The following ENTPD1 variants were observed in gnomAD, a reference collection of about 807,000 sequenced individuals.
The protein encoded by ENTPD1 is ectonucleoside triphosphate diphosphohydrolase 1, also known as ATP diphosphohydrolase.
In ENTPD1, 33 loss-of-function variants were observed where a neutral mutation model predicts 57.0. The ratio of observed to expected loss-of-function variants is 0.58; its 90% confidence interval spans 0.44 to 0.77. ENTPD1 has a LOEUF of 0.77. Among genes scored for constraint, ENTPD1 ranks in the 30% least tolerant of loss-of-function variants. The pLI, the probability that ENTPD1 is intolerant of heterozygous loss-of-function variation, is 0.00. For missense variants in ENTPD1, 501 were observed against 603.4 expected, an observed-to-expected ratio of 0.83 and a Z score of 1.78; for synonymous variants, 202 against 218.8, an observed-to-expected ratio of 0.92 and a Z score of 0.68.
chr10:95,782,841 T>C (rs1476380719), intron 1 of ENTPD1, among the ~76,000 whole-genome samples: 1 of 152,314 alleles, frequency 6.6e-6, no homozygotes, highest in African/African-American at 2.4e-5. Context: ...TCTGGATAAC[T>C]ACTGGTTTCA....
intron 1 of ENTPD1, 129 bp from the exon 2 acceptor site, chr10:95,823,108 T>TA (rs1213117171): frequency 8.4e-6 from 9 of 1,074,754 alleles, no homozygotes; most frequent in Non-Finnish European, 1.3e-5. Context: ...ACCTCATTGA[T>TA]AAAAAAGATT....
At chr10:95,806,071 T>C (rs1440237567) in intron 1 of ENTPD1, among the ~76,000 whole-genome samples, 3 of 152,266 alleles carry the variant, frequency 2.0e-5, no homozygotes, top group South Asian at 2.1e-4. Context: ...TCCTGGATAA[T>C]ATCCTGAAGA....
intron 1 of ENTPD1, among the ~76,000 whole-genome samples, chr10:95,769,639 T>C (rs529303087): frequency 6.6e-6 from 1 of 152,204 alleles, no homozygotes; most frequent in Non-Finnish European, 1.5e-5. Flanking sequence ...ATAGGATCAC[T>C]CTGGCTGCAT....
At chr10:95,864,427 T>C (rs2098470459) in intron 8 of ENTPD1, among the ~76,000 whole-genome samples, 1 of 152,230 alleles carries the variant, frequency 6.6e-6, no homozygotes, top group African/African-American at 2.4e-5. Context: ...ACAGAGGTAC[T>C]GAAATTTAGT....
At chr10:95,746,149 A>T (rs868221344) in intron 1 of ENTPD1, among the ~76,000 whole-genome samples, 1 of 152,186 alleles carries the variant, frequency 6.6e-6, no homozygotes, top group Non-Finnish European at 1.5e-5. Flanking sequence ...TCAGAGGGGG[A>T]AAAAGCAAGA....
intron 1 of ENTPD1, among the ~76,000 whole-genome samples, chr10:95,770,250 TGA>T (rs1299062101): frequency 2.8e-4 from 25 of 88,738 alleles, no homozygotes; most frequent in Admixed American, 2.2e-3. Context: ...AGAGAGTGAG[TGA>T]GTGAGTGTGT....
Position 95,866,587 on chromosome 10 carries a change from C to G in ENTPD1, c.*204C>G. 7.0e-7 allele frequency: 1 copy of G among 1,424,984 alleles called. No homozygotes were observed. Among genetic ancestry groups the G allele is most frequent in the Non-Finnish European group, 9.1e-7 (1 of 1,093,108 alleles). 88.3% of individuals were successfully genotyped at this position (1,424,984 alleles called of 1,614,324 possible). On this transcript the variant is annotated 3_prime_UTR_variant, in exon 10 of 10. Transcript: ENST00000371205. ...TCAAGGACTTCGGCAGATACTGTCTCTTTCATGAGTTTTTCCCAGCTACAC... is the reference window on the plus strand; with the variant it reads ...TCAAGGACTTCGGCAGATACTGTCTGTTTCATGAGTTTTTCCCAGCTACAC...
At chr10:95,776,789 T>A (rs1461496407) in intron 1 of ENTPD1, among the ~76,000 whole-genome samples, 1 of 152,248 alleles carries the variant, frequency 6.6e-6, no homozygotes, top group Non-Finnish European at 1.5e-5. Flanking sequence ...GTAGATTTGG[T>A]CTTTTCACAT....
rs984989262 is a variant in ENTPD1 at position 95,722,879 on chromosome 10, C to T, written c.37+10886C>T. 4.7e-4 allele frequency among the ~76,000 whole-genome samples: 71 copies of T among 152,202 alleles called. 1 individual carries two copies. The highest frequency in any genetic ancestry group is 1.6e-3 in the African/African-American group (65 of 41,446). ...CCTTTTCTAACAGAATAGCCCCATA[C>T]GAGTAAGATTTGAGTTAGTAAGCTA... On this transcript the variant is annotated intron_variant, in intron 1 of 9. Transcript: ENST00000453258.
At position 95,722,798 on chromosome 10, in the gene ENTPD1, C is replaced by G. The variant is rs1339443008; in HGVS notation, c.37+10805C>G. ...TTGTATGGTAATTAAGATTTAAATC[C>G]CCTGTTAGGAAATCTGCTGGGTTAA... is the stretch of plus-strand genomic sequence containing the variant. On this transcript the variant is annotated intron_variant, in intron 1 of 9. Transcript: ENST00000453258. Among the ~76,000 whole-genome samples, 7 of 152,070 alleles carry G rather than the reference C, an allele frequency of 4.6e-5. No individual in the cohort carries two copies. The East Asian group carries it at 1.3e-3, about 29-fold the overall frequency.
At chr10:95,724,719 T>C (rs1408186982) in intron 1 of ENTPD1, among the ~76,000 whole-genome samples, 1 of 151,982 alleles carries the variant, frequency 6.6e-6, no homozygotes, top group Non-Finnish European at 1.5e-5. Context: ...CAGTGATGGG[T>C]CTGCGACGGT....
intron 4 of ENTPD1, among the ~76,000 whole-genome samples, chr10:95,844,041 C>T (rs1047076388): frequency 3.3e-5 from 5 of 152,094 alleles, no homozygotes; most frequent in African/African-American, 9.7e-5. Flanking sequence ...CTACTAGAAC[C>T]CTAATTAAAA....
chr10:95,876,960 A>G lies in ENTPD1; in HGVS notation c.*10577A>G, dbSNP rs911693089. Among the ~76,000 whole-genome samples, 1 of 152,252 alleles carries G rather than the reference A, an allele frequency of 6.6e-6. No individual in the cohort carries two copies. The highest frequency in any genetic ancestry group is 2.4e-5 in the African/African-American group (1 of 41,470). Reference sequence around the variant, plus strand: ...GATGCAACATGGCAAAAGTATACAGACAGTGCATCCAGAGGAAGGCACCTT... The same window carrying G: ...GATGCAACATGGCAAAAGTATACAGGCAGTGCATCCAGAGGAAGGCACCTT... On this transcript the variant is annotated 3_prime_UTR_variant, in exon 10 of 10. Coordinates refer to ENST00000371205, the MANE Select transcript of ENTPD1 (RefSeq NM_001776.6).
chr10:95,845,361 C>T lies in ENTPD1; in HGVS notation c.578C>T (p.Thr193Ile), dbSNP rs2098433044. Residue 193 changes from threonine to isoleucine, a missense_variant, in exon 6 of 10, where the codon ACA becomes ATA. Transcript: ENST00000371205. ...NYLLGKFSQK[T>I]RWFSIVPYET... ...GGTAACTGTACTGTCTTTCAGAAAA[C>T]AAGGTGGTTCAGCATAGTCCCATAT... 1 of 1,614,046 alleles carries T rather than the reference C, an allele frequency of 6.2e-7. No individual in the cohort carries two copies. Among genetic ancestry groups the T allele is most frequent in the Non-Finnish European group, 8.5e-7 (1 of 1,180,036 alleles).
chr10:95,852,486 T>C (rs1409880938), intron 7 of ENTPD1, among the ~76,000 whole-genome samples: 1 of 152,254 alleles, frequency 6.6e-6, no homozygotes, highest in Non-Finnish European at 1.5e-5. Context: ...TTTGGTGTAT[T>C]AGACATGAAG....
intron 1 of ENTPD1, among the ~76,000 whole-genome samples, chr10:95,767,211 G>A (rs2098092496): frequency 6.6e-6 from 1 of 150,586 alleles, no homozygotes; most frequent in Non-Finnish European, 1.5e-5. Context: ...AGCTACTCGG[G>A]AGGCTGAGGC....
chr10:95,807,297 G>T (rs1250701222), intron 1 of ENTPD1, among the ~76,000 whole-genome samples: 1 of 152,224 alleles, frequency 6.6e-6, no homozygotes, highest in African/African-American at 2.4e-5. Flanking sequence ...AGGCTCCGTG[G>T]GTGTGTGACC....
intron 1 of ENTPD1, among the ~76,000 whole-genome samples, chr10:95,740,979 T>TATTAGTAATAAG (rs1442448897): frequency 2.0e-5 from 3 of 152,228 alleles, no homozygotes; most frequent in Non-Finnish European, 4.4e-5. Context: ...ACATTTTCCA[T>TATTAGTAATAAG]ATTAGTAATA....
upstream of ENTPD1, chr10:95,755,726 A>C: frequency 2.0e-6 from 3 of 1,537,266 alleles, no homozygotes; most frequent in Non-Finnish European, 2.6e-6. Context: ...TGGGGAGGGA[A>C]GAACTGTTCT....
Sources: gnomAD v4.1 joint callset for allele counts (sites outside exome capture counted in the v4.1 genomes callset) on GRCh38, gnomAD v4.1.1 for gene constraint, MANE v1.5 for transcripts, NCBI Gene and HGNC (gene_info 2026-07-23, HGNC 2026-07-21) for gene names.